The following DTNA variants were observed in gnomAD, a reference collection of about 807,000 sequenced individuals.
The protein encoded by DTNA is dystrobrevin alpha.
DTNA carries 43 observed loss-of-function variants against 100.7 expected under a neutral mutation model. The ratio of observed to expected loss-of-function variants is 0.43; its 90% confidence interval spans 0.33 to 0.55. DTNA has a LOEUF of 0.55. Among genes scored for constraint, DTNA ranks in the 20% least tolerant of loss-of-function variants. The pLI, the probability that DTNA is intolerant of heterozygous loss-of-function variation, is 0.04. For synonymous variants in DTNA, 349 were observed against 347.9 expected (o/e 1.00, Z -0.04); for missense variants, 798 against 953.9 (o/e 0.84, Z 2.15).
At chr18:34,765,843 T>G (rs1328726930) in intron 2 of DTNA, 118 bp from the exon 3 acceptor site, 2 of 980,252 alleles carry the variant, frequency 2.0e-6, no homozygotes, top group Non-Finnish European at 1.5e-6. Flanking sequence ...TATATTTATA[T>G]TCTAATAAAA....
chr18:34,578,529 G>C (rs186327304), intron 1 of DTNA, among the ~76,000 whole-genome samples: 2 of 151,882 alleles, frequency 1.3e-5, no homozygotes, highest in South Asian at 2.1e-4. Context: ...GTCCTTGGTC[G>C]TGAAATTCTT....
At position 34,563,436 on chromosome 18, in the gene DTNA, C is replaced by A. The variant is rs571606803; in HGVS notation, c.-2+69922C>A. 5.3e-5 allele frequency among the ~76,000 whole-genome samples: 8 copies of A among 152,322 alleles called. No homozygotes were observed. The East Asian group carries it at 1.3e-3, about 26-fold the overall frequency. The stretch of plus-strand genomic sequence containing the variant: ...TCCTAAACTATTATGGAATAAATTT[C>A]TGTTGTTTAAAGCCAACCAGTTTTT... On this transcript the variant is annotated intron_variant, in intron 1 of 19. Transcript: ENST00000283365.
chr18:34,535,691 A>T (rs990794876), intron 1 of DTNA, among the ~76,000 whole-genome samples: 1 of 152,238 alleles, frequency 6.6e-6, no homozygotes, highest in Non-Finnish European at 1.5e-5. Flanking sequence ...GAAGGGGTCC[A>T]GTTTCAGTTT....
Position 34,820,896 on chromosome 18 carries a change from C to T in DTNA, c.982C>T (p.Leu328Phe), listed in dbSNP as rs752562107. 3.7e-6 allele frequency: 6 copies of T among 1,614,020 alleles called. No homozygotes were observed. Among genetic ancestry groups the T allele is most frequent in the South Asian group, 3.3e-5 (3 of 91,092 alleles). The change falls in exon 9 of 23, where the codon CTC (leucine) becomes TTC (phenylalanine). Residue 328 changes from leucine (L) to phenylalanine (F), a missense_variant. By Grantham distance (22) the Leu-to-Phe change is conservative (BLOSUM62 0). Coordinates refer to ENST00000444659, the MANE Select transcript of DTNA (RefSeq NM_001386795.1). The part of the protein sequence containing the change: ...PMFPDQPEKP[L>F]NLAHIVPPRP... ...GTTCCCAGATCAGCCTGAGAAGCCA[C>T]TCAACTTGGCTCACATCGTGTGAGT...
In DTNA at chr18:34,583,586, C is replaced by CT. The variant is rs550351119; in HGVS notation, c.-2+90085dup. Among the ~76,000 whole-genome samples, 956 of 142,064 alleles carry CT rather than the reference C, an allele frequency of 6.7e-3. 5 individuals are homozygous for CT. The highest frequency in any genetic ancestry group is 0.019 in the African/African-American group (755 of 39,002). The allele number at this position is 142,064 out of a possible 152,430, so 93.2% of individuals were successfully genotyped here. A position where few individuals can be genotyped will look rare whatever the true frequency, so the allele number is the denominator to read the frequency against. ...GAACACAACAGCAGAGAGCTATTGACTTTTTTTTTTTTTAATGGAAATGGA... is the reference window on the plus strand; with the variant it reads ...GAACACAACAGCAGAGAGCTATTGACTTTTTTTTTTTTTTAATGGAAATGGA... On this transcript the variant is annotated intron_variant, in intron 1 of 19. Coordinates refer to the DTNA transcript ENST00000283365.
intron 17 of DTNA, chr18:34,866,889 T>C: frequency 9.2e-7 from 1 of 1,091,034 alleles, no homozygotes; most frequent in Non-Finnish European, 1.1e-6. Flanking sequence ...TTTTTTTTTC[T>C]GGAAATAGGG....
intron 1 of DTNA, among the ~76,000 whole-genome samples, chr18:34,660,701 C>G (rs1334586595): frequency 1.3e-5 from 2 of 152,226 alleles, no homozygotes; most frequent in East Asian, 3.9e-4. Flanking sequence ...TCCAAAACCC[C>G]TTATCTTAGC....
At chr18:34,861,289 T>C (rs1359697708) in intron 16 of DTNA, among the ~76,000 whole-genome samples, 1 of 151,666 alleles carries the variant, frequency 6.6e-6, no homozygotes, top group African/African-American at 2.4e-5. Flanking sequence ...ATCGAGACCA[T>C]CCTGGCTAAC....
At chr18:34,510,027 G>T (rs1028065673) in intron 1 of DTNA, among the ~76,000 whole-genome samples, 10 of 149,634 alleles carry the variant, frequency 6.7e-5, no homozygotes, top group Non-Finnish European at 1.3e-4. Context: ...GTAGTTTAAG[G>T]GATAAAAATA....
intron 1 of DTNA, among the ~76,000 whole-genome samples, chr18:34,563,739 A>G (rs932132210): frequency 2.0e-5 from 3 of 152,198 alleles, no homozygotes; most frequent in Admixed American, 1.3e-4. Context: ...ATTACTCTCC[A>G]CTGAAGTTGC....
intron 18 of DTNA, 90 bp downstream of exon 18, chr18:34,875,488 CAT>C: frequency 6.3e-7 from 1 of 1,577,848 alleles, no homozygotes; most frequent in Non-Finnish European, 8.7e-7. Flanking sequence ...GTCAGAACCA[CAT>C]GTGACTATTG....
At chr18:34,677,541 G>T (rs1246567977) in intron 1 of DTNA, among the ~76,000 whole-genome samples, 2 of 152,046 alleles carry the variant, frequency 1.3e-5, no homozygotes, top group Middle Eastern at 3.2e-3. Context: ...TATAGCCTAA[G>T]GTGAAAATAT....
chr18:34,889,965 ATTG>A lies in DTNA; in HGVS notation c.*2232_*2234del. 4.5e-6 allele frequency: 5 copies of A among 1,108,478 alleles called. No individual in the cohort carries two copies. The highest frequency in any genetic ancestry group is 4.6e-5 in the Admixed American group (1 of 21,758). 68.7% of individuals were successfully genotyped at this position (1,108,478 alleles called of 1,614,324 possible). ...TGGCCACTGGTGCCTCATACTCAGT[ATTG>A]AAAACCACTACATCCCAGCTACCTA... On this transcript the variant is annotated 3_prime_UTR_variant, in exon 23 of 23. Transcript: ENST00000444659.
intron 1 of DTNA, among the ~76,000 whole-genome samples, chr18:34,667,463 G>A (rs1487305676): frequency 6.6e-6 from 1 of 152,176 alleles, no homozygotes; most frequent in East Asian, 1.9e-4. Flanking sequence ...ACACTATGTT[G>A]AAAAGGAGTG....
At chr18:34,664,669 C>G (rs893117625) in intron 1 of DTNA, among the ~76,000 whole-genome samples, 3 of 152,112 alleles carry the variant, frequency 2.0e-5, no homozygotes, top group Non-Finnish European at 2.9e-5. Context: ...CAAACTTGCT[C>G]TATCACAGAG....
intron 1 of DTNA, among the ~76,000 whole-genome samples, chr18:34,558,608 C>T (rs1446845784): frequency 3.9e-5 from 6 of 151,960 alleles, no homozygotes; most frequent in Non-Finnish European, 7.4e-5. Flanking sequence ...AAAATAAAGC[C>T]GTTGAAGAGA....
chr18:34,863,096 A>G (rs558956634), intron 16 of DTNA, among the ~76,000 whole-genome samples: 2 of 152,338 alleles, frequency 1.3e-5, no homozygotes, highest in South Asian at 4.1e-4. Context: ...AATTATATGT[A>G]TTACTTATTC....
At chr18:34,564,845 C>T (rs2046949011) in intron 1 of DTNA, among the ~76,000 whole-genome samples, 1 of 152,014 alleles carries the variant, frequency 6.6e-6, no homozygotes, top group African/African-American at 2.4e-5. Context: ...GGAGTGTGGG[C>T]GTGAGTGCAT....
intron 15 of DTNA, among the ~76,000 whole-genome samples, chr18:34,857,290 C>T (rs186563450): frequency 5.3e-5 from 8 of 152,266 alleles, no homozygotes; most frequent in Admixed American, 2.0e-4. Context: ...GGGGGCTTTG[C>T]GAAGCAGGCA....
Sources: gnomAD v4.1 joint callset for allele counts (sites outside exome capture counted in the v4.1 genomes callset) on GRCh38, gnomAD v4.1.1 for gene constraint, MANE v1.5 for transcripts, NCBI Gene and HGNC (gene_info 2026-07-23, HGNC 2026-07-21) for gene names.